PCDHGB4: variants seen among roughly 807,000 people sequenced by gnomAD.
PCDHGB4 encodes the protein protocadherin gamma subfamily B, 4.
A neutral mutation model predicts 60.5 loss-of-function variants in PCDHGB4; 38 were observed. That is an observed-to-expected ratio of 0.63 (90% CI 0.48 to 0.82). The LOEUF (loss-of-function observed/expected upper bound fraction) is 0.82. Ranked by LOEUF, PCDHGB4 falls within the 40% of genes least tolerant of loss-of-function variation. The probability of loss-of-function intolerance (pLI) is 0.00; values close to 1 mark genes in which losing one functional copy is unlikely to be tolerated. For synonymous variants in PCDHGB4, 456 were observed against 509.7 expected (o/e 0.89, Z 1.42); for missense variants, 1,109 against 1,209.6 (o/e 0.92, Z 1.23).
chr5:141,494,546 G>T (rs984336435), intron 1 of PCDHGB4, among the ~76,000 whole-genome samples: 1 of 152,152 alleles, frequency 6.6e-6, no homozygotes, highest in African/African-American at 2.4e-5. Context: ...GGAGGAAGGG[G>T]CCATTTCTTT....
rs775092851 is a variant in PCDHGB4 at position 141,388,890 on chromosome 5, A to G, written c.1006A>G (p.Ile336Val). ...GCAATGCACAGTGGAGGTAGAAGTC[A>G]TAGATGAAAATGACAACGCCCCAGA... ...IAQCTVEVEV[I>V]DENDNAPEVI... Residue 336 changes from isoleucine (I) to valine (V), a missense_variant, in exon 1 of 4, where the codon ATA becomes GTA. This residue lies in a region of PCDHGB4 where 1,068 missense variants were observed against 1,089.9 expected (regional missense o/e 0.98). Coordinates refer to ENST00000519479, the MANE Select transcript of PCDHGB4 (RefSeq NM_003736.4). The G allele has an allele frequency of 3.7e-6, 6 of 1,613,888 alleles. No individual in the cohort carries two copies. The African/African-American group carries it at 6.7e-5, about 18-fold the overall frequency.
rs762801084 is a variant in PCDHGB4, at chr5:141,389,853, A to T, written c.1969A>T (p.Thr657Ser). 5 of 1,614,050 alleles carry T rather than the reference A, an allele frequency of 3.1e-6. No homozygotes were observed. In the South Asian group the frequency reaches 5.5e-5, roughly 18 times the overall value. The change falls in exon 1 of 4, where the codon ACG becomes TCG. Residue 657 changes from threonine to serine, a missense_variant. Around this residue, in one of 2 missense-constraint regions of PCDHGB4, gnomAD observed 1,068 missense variants for 1,089.9 expected, o/e 0.98. Transcript: ENST00000519479. The stretch of plus-strand genomic sequence containing the variant: ...ACAGCCACCACTCTCGGCCACTGCC[A>T]CGTTGCACCTGGTCTTCGCCGACAG... ...GGQPPLSATA[T>S]LHLVFADSLQ...
At chr5:141,480,295 G>A (rs1190133739) in intron 1 of PCDHGB4, among the ~76,000 whole-genome samples, 2 of 133,330 alleles carry the variant, frequency 1.5e-5, no homozygotes, top group Admixed American at 7.4e-5. Context: ...TGCACCTGTG[G>A]TACCAGCTAC....
At position 141,432,001 on chromosome 5, in the gene PCDHGB4, G is replaced by T. The variant is rs755338230; in HGVS notation, c.2397+41720G>T. On this transcript the variant is annotated intron_variant, in intron 1 of 3. Coordinates refer to ENST00000519479, the MANE Select transcript of PCDHGB4 (RefSeq NM_003736.4). This position sits in a 1 kb window ranked among gnomAD's most constrained non-coding sequence, Gnocchi z 6.0. Reference sequence around the variant, plus strand: ...CAGACATAGTCTTGGATAGGGAACAGGTTCCTAGCTACAACATCACAGTGA... The same window carrying T: ...CAGACATAGTCTTGGATAGGGAACATGTTCCTAGCTACAACATCACAGTGA... 4 of 1,614,220 alleles carry T rather than the reference G, an allele frequency of 2.5e-6. No homozygotes were observed. In the East Asian group the frequency reaches 8.9e-5, roughly 36 times the overall value.
At chr5:141,392,776 C>T in intron 1 of PCDHGB4, 1 of 1,526,772 alleles carries the variant, frequency 6.5e-7, no homozygotes, top group African/African-American at 1.4e-5. Flanking sequence ...CATTTATGCA[C>T]AGTGAAGATT....
chr5:141,409,000 C>A, intron 1 of PCDHGB4: 4 of 1,613,950 alleles, frequency 2.5e-6, no homozygotes, highest in Non-Finnish European at 3.4e-6. Flanking sequence ...AAGTGACAGC[C>A]ACTGACCAGG....
At position 141,403,413 on chromosome 5, in the gene PCDHGB4, T is replaced by G. The variant is rs1467852757; in HGVS notation, c.2397+13132T>G. The G allele has an allele frequency of 1.2e-6, 2 of 1,613,928 alleles. No individual in the cohort carries two copies. Among genetic ancestry groups the G allele is most frequent in the African/African-American group, 2.7e-5 (2 of 74,948 alleles). ...GCGGTTCCTGGAGCACGTTATCCACTTCCAGAAGCTATTGATCCGGATGTT... is the reference window on the plus strand; with the variant it reads ...GCGGTTCCTGGAGCACGTTATCCACGTCCAGAAGCTATTGATCCGGATGTT... On this transcript the variant is annotated intron_variant, in intron 1 of 3. Transcript: ENST00000519479.
At chr5:141,396,406 G>A (rs1245754617) in intron 1 of PCDHGB4, 2 of 152,190 alleles carry the variant, frequency 1.3e-5, no homozygotes, top group African/African-American at 4.8e-5. Context: ...ATCACCTGAG[G>A]TCAGGAGTTC....
intron 1 of PCDHGB4, chr5:141,422,717 T>A: frequency 6.2e-7 from 1 of 1,604,832 alleles, no homozygotes; most frequent in Non-Finnish European, 8.5e-7. Flanking sequence ...GATGACACTG[T>A]CCAGGGGGTG....
intron 1 of PCDHGB4, among the ~76,000 whole-genome samples, chr5:141,465,409 A>G (rs1037916815): frequency 3.3e-5 from 5 of 152,188 alleles, no homozygotes; most frequent in African/African-American, 4.8e-5. Flanking sequence ...AAGAAGCCAA[A>G]TCAGCACTGA....
intron 1 of PCDHGB4, among the ~76,000 whole-genome samples, chr5:141,492,869 A>G (rs975868829): frequency 6.6e-6 from 1 of 152,010 alleles, no homozygotes; most frequent in African/African-American, 2.4e-5. Context: ...CTGGCTCTCA[A>G]CCCCCAGAGA....
In PCDHGB4 at chr5:141,431,889, A is replaced by G; in HGVS notation, c.2397+41608A>G. 1 of 1,614,170 alleles carries G rather than the reference A, an allele frequency of 6.2e-7. No homozygotes were observed. The highest frequency in any genetic ancestry group is 2.2e-5 in the East Asian group (1 of 44,888). On this transcript the variant is annotated intron_variant, in intron 1 of 3. Transcript: ENST00000519479. The surrounding 1 kb of genome is among the most constrained non-coding windows in gnomAD (Gnocchi z 4.8). The stretch of plus-strand genomic sequence containing the variant: ...TTAAATGTAAATGACCAAGATTCTG[A>G]GGAAAACGGACAGGTGATCTGTTTC...
In PCDHGB4 at chr5:141,476,628, C is replaced by T. The variant is rs899753438; in HGVS notation, c.2398-18179C>T. 6.2e-6 allele frequency: 10 copies of T among 1,614,160 alleles called. No individual in the cohort carries two copies. The highest frequency in any genetic ancestry group is 7.6e-6 in the Non-Finnish European group (9 of 1,180,068). On this transcript the variant is annotated intron_variant, in intron 1 of 3. Coordinates refer to ENST00000519479, the MANE Select transcript of PCDHGB4 (RefSeq NM_003736.4). The surrounding 1 kb of genome is among the most constrained non-coding windows in gnomAD (Gnocchi z 7.6). ...GATGTGGGAAGCAACTCTTTACAAACCTATGAGCTGAGCCGAAATGAATAC... is the reference window on the plus strand; with the variant it reads ...GATGTGGGAAGCAACTCTTTACAAATCTATGAGCTGAGCCGAAATGAATAC...
intron 1 of PCDHGB4, chr5:141,399,997 A>C (rs2093936203): frequency 6.2e-7 from 1 of 1,612,226 alleles, no homozygotes; most frequent in African/African-American, 1.3e-5. Context: ...AGAGGTGCGC[A>C]CAGCGCGTGC....
chr5:141,421,359 C>A (rs2096566292), intron 1 of PCDHGB4: 6 of 1,614,012 alleles, frequency 3.7e-6, no homozygotes, highest in Non-Finnish European at 5.1e-6. Context: ...AAAAGGGCTC[C>A]TTCGTGGGCA....
chr5:141,415,389 T>A lies in PCDHGB4; in HGVS notation c.2397+25108T>A, dbSNP rs1282535508. On this transcript the variant is annotated intron_variant, in intron 1 of 3. Transcript: ENST00000519479. ...AGGCTTCAGGAGGCGGCTTGACAGG[T>A]GTGTCCGGCTCGCACTTTGTGGGCG... 9.3e-6 allele frequency: 15 copies of A among 1,614,162 alleles called. No individual in the cohort carries two copies. The East Asian group carries it at 2.5e-4, about 26-fold the overall frequency.
Position 141,485,294 on chromosome 5 carries a change from G to A in PCDHGB4, c.2398-9513G>A, listed in dbSNP as rs2099611126. Reference sequence around the variant, plus strand: ...CTACCCGGTCCCAGAGGAGTCACAGGAAGGGACTTTTGTAGGGAATGTCGC... The same window carrying A: ...CTACCCGGTCCCAGAGGAGTCACAGAAAGGGACTTTTGTAGGGAATGTCGC... On this transcript the variant is annotated intron_variant, in intron 1 of 3. Coordinates refer to ENST00000519479, the MANE Select transcript of PCDHGB4 (RefSeq NM_003736.4). The surrounding 1 kb of genome is among the most constrained non-coding windows in gnomAD (Gnocchi z 5.7). The A allele has an allele frequency of 6.2e-7, 1 of 1,614,044 alleles. No homozygotes were observed. Among genetic ancestry groups the A allele is most frequent in the Non-Finnish European group, 8.5e-7 (1 of 1,179,988 alleles).
At position 141,399,661 on chromosome 5, in the gene PCDHGB4, G is replaced by T. The variant is rs1021211609; in HGVS notation, c.2397+9380G>T. The T allele has an allele frequency of 6.8e-6, 11 of 1,613,526 alleles. No individual in the cohort carries two copies. Among genetic ancestry groups the T allele is most frequent in the Non-Finnish European group, 9.3e-6 (11 of 1,179,892 alleles). ...GAGCGCGCAAAGTGGGGTGGTGTTC[G>T]CGCAGCGCGCCTTTGACTACGAGCA... On this transcript the variant is annotated intron_variant, in intron 1 of 3. Transcript: ENST00000519479.
chr5:141,497,793 G>A (rs2099779480), intron 2 of PCDHGB4, among the ~76,000 whole-genome samples: 1 of 152,180 alleles, frequency 6.6e-6, no homozygotes, highest in Admixed American at 6.5e-5. Flanking sequence ...ACCTGCTTCA[G>A]CTTCCCAAAG....
Sources: allele counts gnomAD v4.1 joint callset (sites outside exome capture counted in the v4.1 genomes callset), GRCh38; gene constraint gnomAD v4.1.1; regional missense constraint gnomAD v4.1.1; non-coding constraint Gnocchi (gnomAD v3.1); transcripts MANE v1.5; gene names NCBI Gene and HGNC (gene_info 2026-07-23, HGNC 2026-07-21).